The following KHDRBS2 variants were observed in gnomAD, a reference collection of about 807,000 sequenced individuals.
KHDRBS2 encodes KH domain-containing, RNA-binding, signal transduction-associated protein 2.
In KHDRBS2, 26 loss-of-function variants were observed where a neutral mutation model predicts 44.3. The observed-to-expected ratio is 0.59, with a 90% CI of 0.43 to 0.81. The LOEUF (loss-of-function observed/expected upper bound fraction) is 0.81. Ranked by LOEUF, KHDRBS2 falls within the 40% of genes least tolerant of loss-of-function variation. KHDRBS2 has a pLI of 0.00. For missense variants in KHDRBS2, 476 were observed against 433.1 expected (o/e 1.10, Z -0.88); for synonymous variants, 194 against 151.1 (o/e 1.28, Z -2.08).
chr6:62,263,905 T>C (rs563215202), intron 1 of KHDRBS2, among the ~76,000 whole-genome samples: 45 of 151,926 alleles, frequency 3.0e-4, no homozygotes, highest in African/African-American at 1.1e-3. Context: ...GGATATCATT[T>C]TAACCTCCAG....
chr6:61,737,805 G>A (rs1775606015), intron 6 of KHDRBS2, among the ~76,000 whole-genome samples: 1 of 151,988 alleles, frequency 6.6e-6, no homozygotes, highest in South Asian at 2.1e-4. Flanking sequence ...AAGAGTAAAG[G>A]TAGAACATGG....
At chr6:61,970,670 C>T (rs749445557) in intron 4 of KHDRBS2, among the ~76,000 whole-genome samples, 1 of 152,140 alleles carries the variant, frequency 6.6e-6, no homozygotes, top group African/African-American at 2.4e-5. Context: ...CATACCCCAA[C>T]AGGGGAAAAT....
At chr6:62,201,867 C>A (rs71568790) in intron 1 of KHDRBS2, among the ~76,000 whole-genome samples, 1 of 151,840 alleles carries the variant, frequency 6.6e-6, no homozygotes, top group Non-Finnish European at 1.5e-5. Flanking sequence ...TTCAAAGTTA[C>A]GCACGTTCGT....
intron 3 of KHDRBS2, among the ~76,000 whole-genome samples, chr6:62,006,978 G>A (rs1271425447): frequency 6.6e-6 from 1 of 151,942 alleles, no homozygotes. Flanking sequence ...TTCAGGTCAT[G>A]ACAGGCAATA....
chr6:61,693,143 AT>A (rs1767548611), intron 8 of KHDRBS2, among the ~76,000 whole-genome samples: 5 of 152,158 alleles, frequency 3.3e-5, no homozygotes, highest in Admixed American at 3.3e-4. Flanking sequence ...AATAGTTAAT[AT>A]GTAAAGTATG....
rs373782009 is a variant in KHDRBS2, at chr6:61,898,640, T to C, written c.611+2604A>G. On this transcript the variant is annotated intron_variant, in intron 5 of 8. Transcript: ENST00000281156. ...CATGAATCCTTAAATTGATGAAATA[T>C]AATAACATCTAGTAAGTGGGAGAAC... Among the ~76,000 whole-genome samples, 5 of 151,968 alleles carry C rather than the reference T, an allele frequency of 3.3e-5. No homozygotes were observed. In the East Asian group the frequency reaches 9.6e-4, roughly 29 times the overall value.
chr6:61,950,090 A>C (rs1229830188), intron 4 of KHDRBS2, among the ~76,000 whole-genome samples: 1 of 152,064 alleles, frequency 6.6e-6, no homozygotes, highest in Non-Finnish European at 1.5e-5. Flanking sequence ...GGATTGCATG[A>C]CTAAAAATTC....
intron 4 of KHDRBS2, among the ~76,000 whole-genome samples, chr6:61,910,476 T>C (rs970369017): frequency 6.6e-6 from 1 of 152,216 alleles, no homozygotes; most frequent in African/African-American, 2.4e-5. Flanking sequence ...TGAGTGACTG[T>C]AAATGTCTGT....
intron 2 of KHDRBS2, among the ~76,000 whole-genome samples, chr6:62,086,630 C>A (rs1242290790): frequency 6.6e-6 from 1 of 152,094 alleles, no homozygotes; most frequent in Non-Finnish European, 1.5e-5. Context: ...GGTAATCTGT[C>A]TTTTATTAGC....
At chr6:61,855,351 CT>C (rs1258891172) in intron 6 of KHDRBS2, among the ~76,000 whole-genome samples, 1 of 151,944 alleles carries the variant, frequency 6.6e-6, no homozygotes, top group Non-Finnish European at 1.5e-5. Flanking sequence ...CAAATCCCAG[CT>C]CTGACCATTA....
At chr6:62,006,471 T>C (rs564721641) in intron 3 of KHDRBS2, among the ~76,000 whole-genome samples, 39 of 152,122 alleles carry the variant, frequency 2.6e-4, no homozygotes, top group African/African-American at 8.9e-4. Flanking sequence ...GAAGGTAGAA[T>C]GAGCAAAGAA....
At chr6:62,243,604 C>CAAA (rs11306947) in intron 1 of KHDRBS2, among the ~76,000 whole-genome samples, 3 of 116,514 alleles carry the variant, frequency 2.6e-5, no homozygotes, top group African/African-American at 8.2e-5. Context: ...CATACCTATA[C>CAAA]AAAAAAAAAA....
In KHDRBS2 at chr6:61,789,443, T is replaced by A. The variant is rs572968735; in HGVS notation, c.811-56679A>T. Among the ~76,000 whole-genome samples the A allele has an allele frequency of 4.2e-4, 63 of 151,592 alleles. 1 individual carries two copies. In the South Asian group the frequency reaches 0.012, roughly 30 times the overall value. On this transcript the variant is annotated intron_variant, in intron 6 of 8. Transcript: ENST00000281156. Reference sequence around the variant, plus strand: ...AAGAAACAAATTTAAAAAGTGAAATTGCTAAGCACACAAGCATGGAAAGAA... The same window carrying A: ...AAGAAACAAATTTAAAAAGTGAAATAGCTAAGCACACAAGCATGGAAAGAA...
At chr6:62,106,673 C>A (rs1007273584) in intron 2 of KHDRBS2, among the ~76,000 whole-genome samples, 3 of 152,272 alleles carry the variant, frequency 2.0e-5, no homozygotes, top group Admixed American at 2.0e-4. Flanking sequence ...CCTTGATGAA[C>A]ATTGATGCAA....
At chr6:62,104,747 A>G (rs1348147702) in intron 2 of KHDRBS2, among the ~76,000 whole-genome samples, 1 of 152,142 alleles carries the variant, frequency 6.6e-6, no homozygotes, top group Non-Finnish European at 1.5e-5. Context: ...GAAAAAAAAG[A>G]ACAAATTAAA....
At chr6:61,602,582 T>C in the KHDRBS2 span, among the ~76,000 whole-genome samples, 1 of 152,126 alleles carries the variant, frequency 6.6e-6, no homozygotes, top group Admixed American at 6.5e-5. Context: ...ACACTGACAC[T>C]GCCCGATCGC....
chr6:62,128,676 T>TTG (rs1809543560), intron 2 of KHDRBS2, among the ~76,000 whole-genome samples: 1 of 151,764 alleles, frequency 6.6e-6, no homozygotes, highest in Admixed American at 6.6e-5. Context: ...TTAATTTTTT[T>TTG]TTGTTCAGCT....
chr6:62,194,795 C>A (rs564756238), intron 1 of KHDRBS2, among the ~76,000 whole-genome samples: 1 of 152,068 alleles, frequency 6.6e-6, no homozygotes, highest in East Asian at 1.9e-4. Flanking sequence ...GTGTGAGTCA[C>A]TGCACCCGGC....
chr6:62,270,061 A>T (rs1839822760), intron 1 of KHDRBS2, among the ~76,000 whole-genome samples: 1 of 152,148 alleles, frequency 6.6e-6, no homozygotes, highest in Non-Finnish European at 1.5e-5. Context: ...TGGTTCTTAA[A>T]GGAATTGGAG....
Sources: allele counts gnomAD v4.1 joint callset (sites outside exome capture counted in the v4.1 genomes callset), GRCh38; gene constraint gnomAD v4.1.1; transcripts MANE v1.5; gene names NCBI Gene and HGNC (gene_info 2026-07-23, HGNC 2026-07-21).